Variants in PDE4D observed in about 807,000 individuals in gnomAD.
PDE4D encodes the protein phosphodiesterase 4D, also known as 3',5'-cyclic-AMP phosphodiesterase 4D.
PDE4D carries 24 observed loss-of-function variants against 87.4 expected under a neutral mutation model. That is an observed-to-expected ratio of 0.27 (90% CI 0.20 to 0.39). PDE4D has a LOEUF of 0.39. PDE4D is among the 10% of genes least tolerant of loss of function. The probability of loss-of-function intolerance (pLI) is 1.00; values close to 1 mark genes in which losing one functional copy is unlikely to be tolerated. For synonymous variants in PDE4D, 384 were observed against 383.2 expected (o/e 1.00, Z -0.02); for missense variants, 714 against 1,041.0 (o/e 0.69, Z 4.32).
intron 5 of PDE4D, among the ~76,000 whole-genome samples, chr5:59,065,065 TATACAC>T (rs1480275941): frequency 1.7e-3 from 18 of 10,496 alleles, no homozygotes; most frequent in South Asian, 2.2e-3. Flanking sequence ...GTGATATATA[TATACAC>T]ACACACACAC....
intron 1 of PDE4D, among the ~76,000 whole-genome samples, chr5:59,668,827 A>AAGAG (rs1554056663): frequency 2.6e-5 from 2 of 76,904 alleles, no homozygotes; most frequent in Admixed American, 1.4e-4. Context: ...AAGAAGAAGA[A>AAGAG]GAAGAGGAAG....
intron 2 of PDE4D, among the ~76,000 whole-genome samples, chr5:60,172,737 T>C (rs1299032400): frequency 6.6e-6 from 1 of 152,158 alleles, no homozygotes; most frequent in South Asian, 2.1e-4. Flanking sequence ...TGGTAGTCCC[T>C]CTTCCTAAGC....
At chr5:60,203,129 G>A (rs1411864176) in intron 1 of PDE4D, among the ~76,000 whole-genome samples, 13 of 152,150 alleles carry the variant, frequency 8.5e-5, no homozygotes, top group Non-Finnish European at 1.0e-4. Flanking sequence ...CCACCACTAC[G>A]CTCGACTAAT....
intron 5 of PDE4D, among the ~76,000 whole-genome samples, chr5:59,105,298 T>C (rs960139391): frequency 6.6e-6 from 1 of 152,344 alleles, no homozygotes; most frequent in East Asian, 1.9e-4. Context: ...TAATTCAGTA[T>C]TATCATTGCC....
chr5:60,512,628 A>T (rs1750627331), intron 1 of PDE4D, among the ~76,000 whole-genome samples: 1 of 152,236 alleles, frequency 6.6e-6, no homozygotes, highest in African/African-American at 2.4e-5. Context: ...AACATCTTCA[A>T]ATGCCTAAGG....
At chr5:59,962,869 G>C (rs1759625227) in intron 3 of PDE4D, among the ~76,000 whole-genome samples, 1 of 152,034 alleles carries the variant, frequency 6.6e-6, no homozygotes, top group Non-Finnish European at 1.5e-5. Context: ...ACTTTGTATT[G>C]GGCTTGTATT....
At chr5:60,161,468 A>G (rs1394877143) in intron 2 of PDE4D, among the ~76,000 whole-genome samples, 3 of 152,166 alleles carry the variant, frequency 2.0e-5, no homozygotes, top group Non-Finnish European at 4.4e-5. Context: ...GTTGTTGAGT[A>G]TGAAACAACA....
At chr5:60,098,086 G>A (rs1042564687) in intron 2 of PDE4D, among the ~76,000 whole-genome samples, 2 of 151,814 alleles carry the variant, frequency 1.3e-5, no homozygotes, top group Non-Finnish European at 2.9e-5. Flanking sequence ...CACGGGTCAC[G>A]GCCAGACACA....
intron 1 of PDE4D, among the ~76,000 whole-genome samples, chr5:60,314,276 C>T (rs1755327445): frequency 6.6e-6 from 1 of 151,722 alleles, no homozygotes; most frequent in South Asian, 2.1e-4. Flanking sequence ...AAGTAATTCT[C>T]CTGTCTCAGC....
intron 3 of PDE4D, among the ~76,000 whole-genome samples, chr5:59,961,011 T>C (rs1759408045): frequency 1.3e-5 from 2 of 152,164 alleles, no homozygotes; most frequent in African/African-American, 4.8e-5. Flanking sequence ...AAATATTTAT[T>C]TAGCACTTAC....
At chr5:59,714,350 C>T (rs187684998) in intron 1 of PDE4D, among the ~76,000 whole-genome samples, 1 of 152,232 alleles carries the variant, frequency 6.6e-6, no homozygotes, top group African/African-American at 2.4e-5. Flanking sequence ...AACTCAAAGA[C>T]TACTTGCTGC....
intron 1 of PDE4D, among the ~76,000 whole-genome samples, chr5:59,818,564 CT>C (rs1030086769): frequency 6.6e-6 from 1 of 152,166 alleles, no homozygotes; most frequent in African/African-American, 2.4e-5. Context: ...GCCTCACTAC[CT>C]CTGGGAAAAT....
intron 1 of PDE4D, among the ~76,000 whole-genome samples, chr5:59,289,613 T>C (rs1767632664): frequency 6.6e-6 from 1 of 152,008 alleles, no homozygotes; most frequent in Non-Finnish European, 1.5e-5. Flanking sequence ...AGACTCTTCT[T>C]CCAAGAGGTG....
intron 1 of PDE4D, among the ~76,000 whole-genome samples, chr5:60,311,333 T>C (rs915629352): frequency 5.4e-4 from 83 of 152,312 alleles, no homozygotes; most frequent in African/African-American, 1.9e-3. Flanking sequence ...GCAAGTCACC[T>C]TCAAAGGAAA....
chr5:59,182,637 A>G (rs999158169), intron 4 of PDE4D, among the ~76,000 whole-genome samples: 5 of 152,162 alleles, frequency 3.3e-5, no homozygotes, highest in Non-Finnish European at 7.3e-5. Context: ...TTGGAAAACC[A>G]AATGGTTGAC....
chr5:59,011,143 T>G (rs1440235274), intron 6 of PDE4D, among the ~76,000 whole-genome samples: 1 of 152,046 alleles, frequency 6.6e-6, no homozygotes, highest in Non-Finnish European at 1.5e-5. Context: ...CATATGTACG[T>G]CACCATCATC....
intron 1 of PDE4D, among the ~76,000 whole-genome samples, chr5:59,775,729 T>A (rs1005021584): frequency 4.6e-5 from 7 of 152,138 alleles, no homozygotes; most frequent in Admixed American, 1.3e-4. Context: ...ATAACAGACA[T>A]GATAAGGAAC....
At chr5:60,007,060 C>T (rs2152842280) in intron 2 of PDE4D, among the ~76,000 whole-genome samples, 1 of 151,906 alleles carries the variant, frequency 6.6e-6, no homozygotes, top group African/African-American at 2.4e-5. Context: ...AAATGCTAGA[C>T]CTTCACAATA....
At chr5:59,612,932 A>G (rs754840642) in intron 1 of PDE4D, among the ~76,000 whole-genome samples, 1 of 152,176 alleles carries the variant, frequency 6.6e-6, no homozygotes, top group East Asian at 1.9e-4. Flanking sequence ...AGGAAAAAAT[A>G]GTAGATTATT....
Sources: gnomAD v4.1 joint callset for allele counts (sites outside exome capture counted in the v4.1 genomes callset) on GRCh38, gnomAD v4.1.1 for gene constraint, MANE v1.5 for transcripts, NCBI Gene and HGNC (gene_info 2026-07-23, HGNC 2026-07-21) for gene names.